Variants in USP42 observed in about 807,000 individuals in gnomAD.
USP42 encodes ubiquitin carboxyl-terminal hydrolase 42.
USP42 carries 23 observed loss-of-function variants against 113.0 expected under a neutral mutation model. That is an observed-to-expected ratio of 0.20 (90% CI 0.15 to 0.29). The LOEUF (loss-of-function observed/expected upper bound fraction) is 0.29. USP42 is among the 10% of genes least tolerant of loss of function. The pLI is 1.00. For synonymous variants in USP42, 933 were observed against 699.0 expected, an observed-to-expected ratio of 1.33 and a Z score of -5.28; for missense variants, 2,174 against 1,779.8, an observed-to-expected ratio of 1.22 and a Z score of -3.99.
intron 12 of USP42, among the ~76,000 whole-genome samples, chr7:6,149,298 C>A (rs560063707): frequency 3.0e-4 from 46 of 152,304 alleles, no homozygotes; most frequent in African/African-American, 1.0e-3. Context: ...ACAGGTCCTG[C>A]TGATTTCGAT....
At chr7:6,083,083 C>T in the USP42 span, among the ~76,000 whole-genome samples, 3 of 148,776 alleles carry the variant, frequency 2.0e-5, no homozygotes, top group Admixed American at 6.7e-5. Flanking sequence ...GGCTACCACA[C>T]CTGGCTGATT....
At chr7:6,090,313 AAG>A in the USP42 span, among the ~76,000 whole-genome samples, 1 of 143,146 alleles carries the variant, frequency 7.0e-6, no homozygotes, top group Admixed American at 7.0e-5. Flanking sequence ...AAAAAAAAAA[AAG>A]AAATATATAT....
intron 15 of USP42, 33 bp downstream of exon 15, chr7:6,155,228 T>C (rs1233778789): frequency 6.7e-7 from 1 of 1,491,984 alleles, no homozygotes. Context: ...CCCGAGGCGC[T>C]GGCGCTGCTG....
At chr7:6,114,912 G>A (rs1366844471) in intron 2 of USP42, among the ~76,000 whole-genome samples, 1 of 151,372 alleles carries the variant, frequency 6.6e-6, no homozygotes, top group Non-Finnish European at 1.5e-5. Flanking sequence ...GGATGGTCTC[G>A]ATCTCCTGAC....
chr7:6,141,562 TTA>T (rs1339128018), intron 7 of USP42, among the ~76,000 whole-genome samples: 1 of 149,144 alleles, frequency 6.7e-6, no homozygotes, highest in Non-Finnish European at 1.5e-5. Context: ...TTGGTTATTA[TTA>T]TTTTTTTTTT....
chr7:6,149,824 G>A lies in USP42; in HGVS notation c.1628G>A (p.Ser543Asn), dbSNP rs758344882. 3 of 1,614,016 alleles carry A rather than the reference G, an allele frequency of 1.9e-6. No homozygotes were observed. In the East Asian group the frequency reaches 6.7e-5, roughly 36 times the overall value. The change falls in exon 13 of 18, where the codon AGT becomes AAT. Residue 543 changes from serine (S) to asparagine (N), a missense_variant. By Grantham distance (46) the Ser-to-Asn change is conservative (BLOSUM62 1). Transcript: ENST00000306177. ...TGTCAGTCTCAACCTAACCTTCATA[G>A]TAATTCTTTGGAGAACCCTACCAAG... is the stretch of plus-strand genomic sequence containing the variant. ...RQCQSQPNLHSNSLENPTKPV... is the reference protein window; with the variant it reads ...RQCQSQPNLHNNSLENPTKPV...
Position 6,155,058 on chromosome 7 carries a change from G to A in USP42, c.3504G>A (p.Glu1168=). Residue 1168 remains glutamate (E), a synonymous_variant, in exon 15 of 18, where the codon GAG becomes GAA. Coordinates refer to ENST00000306177, the MANE Select transcript of USP42 (RefSeq NM_032172.3). ...GGAAACGGAGACACGACAGTGTGGA[G>A]AACAGTGACAGTCATGTTGAAAAGA... The part of the protein sequence containing the change: ...KSRKRRHDSV[E]NSDSHVEKKA... 2.6e-6 allele frequency: 4 copies of A among 1,563,436 alleles called. No individual in the cohort carries two copies. The highest frequency in any genetic ancestry group is 3.5e-6 in the Non-Finnish European group (4 of 1,153,908).
rs754337929 is a variant in USP42, at chr7:6,154,042, C to T, written c.2488C>T (p.Pro830Ser). Residue 830 changes from proline (P) to serine (S), a missense_variant, in exon 15 of 18, where the codon CCG (proline) becomes TCG (serine). Coordinates refer to ENST00000306177, the MANE Select transcript of USP42 (RefSeq NM_032172.3). ...DPGSLTGDAS[P>S]LSQDAKGMIA... The stretch of plus-strand genomic sequence containing the variant: ...CGGGAGCTTAACAGGCGATGCGAGC[C>T]CGTTGTCCCAGGACGCAAAGGGGAT... 2 of 1,605,506 alleles carry T rather than the reference C, an allele frequency of 1.2e-6. No individual in the cohort carries two copies. The highest frequency in any genetic ancestry group is 2.2e-5 in the East Asian group (1 of 44,872).
Position 6,139,421 on chromosome 7 carries a change from T to C in USP42, c.656+227T>C, listed in dbSNP as rs1781327781. 2.4e-6 allele frequency: 1 copy of C among 413,256 alleles called. No individual in the cohort carries two copies. The highest frequency in any genetic ancestry group is 4.3e-6 in the Non-Finnish European group (1 of 233,766). 25.6% of individuals were successfully genotyped at this position (413,256 alleles called of 1,614,324 possible). On this transcript the variant is annotated intron_variant, in intron 5 of 17. Transcript: ENST00000306177. The surrounding 1 kb of genome is among the most constrained non-coding windows in gnomAD (Gnocchi z 4.5). ...GTTTGAGTTGGCTCAATCATAGATG[T>C]CAGGAAATAAACATTGGTCTTGCAG...
the USP42 span, among the ~76,000 whole-genome samples, chr7:6,099,105 C>T: frequency 6.7e-6 from 1 of 149,754 alleles, no homozygotes; most frequent in Non-Finnish European, 1.5e-5. Flanking sequence ...GTTTTCAGGA[C>T]TGTCTGCCCT....
rs1013332004 is a variant in USP42 at position 6,128,190 on chromosome 7, T to G, written c.443-7651T>G. 4 of 152,136 alleles carry G rather than the reference T, an allele frequency of 2.6e-5. No individual in the cohort carries two copies. In the East Asian group the frequency reaches 5.8e-4, roughly 22 times the overall value. 9.4% of individuals were successfully genotyped at this position (152,136 alleles called of 1,614,324 possible). A position where few individuals can be genotyped will look rare whatever the true frequency, so the allele number is the denominator to read the frequency against. ...CTGGTCTCGAACTCCTAGCCTCAAG[T>G]GATCCTCCTGCCTTGGCCTCTGAAA... is the stretch of plus-strand genomic sequence containing the variant. On this transcript the variant is annotated intron_variant, in intron 3 of 17. Coordinates refer to ENST00000306177, the MANE Select transcript of USP42 (RefSeq NM_032172.3).
At chr7:6,141,045 A>G in intron 7 of USP42, 61 bp downstream of exon 7, 1 of 851,670 alleles carries the variant, frequency 1.2e-6, no homozygotes, top group Non-Finnish European at 1.9e-6. Context: ...ATGTAACTGT[A>G]GTTCATTTAT....
chr7:6,092,044 CT>C, the USP42 span, among the ~76,000 whole-genome samples: 1 of 87,190 alleles, frequency 1.1e-5, no homozygotes, highest in South Asian at 3.8e-4. Context: ...TCTTCTTCTT[CT>C]TCTTCTTCTT....
At chr7:6,083,912 T>G in the USP42 span, among the ~76,000 whole-genome samples, 1 of 151,150 alleles carries the variant, frequency 6.6e-6, no homozygotes, top group Non-Finnish European at 1.5e-5. Context: ...ATCCCTAACC[T>G]AGTTAACCTC....
intron 3 of USP42, among the ~76,000 whole-genome samples, chr7:6,124,404 A>T (rs915802433): frequency 6.6e-6 from 1 of 151,502 alleles, no homozygotes; most frequent in African/African-American, 2.4e-5. Flanking sequence ...TGTAGCTGGG[A>T]CTACGGGTGC....
At chr7:6,121,247 G>A (rs1232697706) in intron 3 of USP42, among the ~76,000 whole-genome samples, 1 of 152,064 alleles carries the variant, frequency 6.6e-6, no homozygotes. Flanking sequence ...AAAGCATTCA[G>A]TCTTTTACCA....
In USP42 at chr7:6,111,501, A is replaced by G. The variant is rs78161756; in HGVS notation, c.241+127A>G. 6.0e-5 allele frequency: 67 copies of G among 1,113,104 alleles called. No individual in the cohort carries two copies. The East Asian group carries it at 1.7e-3, about 28-fold the overall frequency. The allele number at this position is 1,113,104 out of a possible 1,614,324, so 69.0% of individuals were successfully genotyped here. On this transcript the variant is annotated intron_variant, in intron 2 of 17. Transcript: ENST00000306177. ...CCACCTGAGTGGCCAGCAGAGTTGT[A>G]TTACTTGATGGGCTTTGTTTTCCTG...
chr7:6,082,601 C>CTTTTTTTT, the USP42 span, among the ~76,000 whole-genome samples: 1 of 96,996 alleles, frequency 1.0e-5, no homozygotes. Context: ...TTCTTTCTTT[C>CTTTTTTTT]TGTTTTTTTT....
chr7:6,096,927 CTTTT>C, the USP42 span, among the ~76,000 whole-genome samples: 2 of 95,956 alleles, frequency 2.1e-5, no homozygotes, highest in African/African-American at 7.9e-5. Flanking sequence ...TTCTTTCTTT[CTTTT>C]CTTTTTTTTT....
Sources: allele counts gnomAD v4.1 joint callset (sites outside exome capture counted in the v4.1 genomes callset), GRCh38; gene constraint gnomAD v4.1.1; non-coding constraint Gnocchi (gnomAD v3.1); transcripts MANE v1.5; gene names NCBI Gene and HGNC (gene_info 2026-07-23, HGNC 2026-07-21).